Variants in PCNX2 observed in about 807,000 individuals in gnomAD.
PCNX2 encodes pecanex 2.
PCNX2 carries 168 observed loss-of-function variants against 223.8 expected under a neutral mutation model. The observed-to-expected ratio is 0.75, with a 90% CI of 0.66 to 0.85. The LOEUF (loss-of-function observed/expected upper bound fraction) is 0.85. Ranked by LOEUF, PCNX2 falls within the 40% of genes least tolerant of loss-of-function variation. PCNX2 has a pLI of 0.00. For synonymous variants in PCNX2, 1,006 were observed against 1,052.6 expected (o/e 0.96, Z 0.86); for missense variants, 2,507 against 2,675.5 (o/e 0.94, Z 1.39).
At chr1:233,311,709 C>T in the PCNX2 span, among the ~76,000 whole-genome samples, 1 of 152,064 alleles carries the variant, frequency 6.6e-6, no homozygotes, top group Non-Finnish European at 1.5e-5. Flanking sequence ...TAAAAATAAA[C>T]ATATTAGACA....
chr1:233,233,432 G>C (rs1206319291), intron 9 of PCNX2, among the ~76,000 whole-genome samples: 1 of 79,470 alleles, frequency 1.3e-5, no homozygotes, highest in Non-Finnish European at 2.9e-5. Flanking sequence ...TCCTGTGTGT[G>C]TGTGTGTGTG....
chr1:233,177,014 G>GAAAA (rs1231461373), intron 17 of PCNX2, among the ~76,000 whole-genome samples: 1 of 149,880 alleles, frequency 6.7e-6, no homozygotes, highest in African/African-American at 2.5e-5. Flanking sequence ...TGTCTCTAAA[G>GAAAA]AAAAAAAAAG....
At chr1:233,318,534 TC>T in the PCNX2 span, among the ~76,000 whole-genome samples, 1 of 147,666 alleles carries the variant, frequency 6.8e-6, no homozygotes, top group African/African-American at 2.5e-5. Context: ...ATTGCATCAC[TC>T]CCCCACCATC....
At chr1:233,231,717 C>T in intron 9 of PCNX2, 3 of 959,130 alleles carry the variant, frequency 3.1e-6, no homozygotes, top group Non-Finnish European at 3.7e-6. Flanking sequence ...CTCCTAACAG[C>T]TATCAAACTC....
intron 31 of PCNX2, 131 bp downstream of exon 31, chr1:232,998,974 G>A (rs546131634): frequency 9.9e-7 from 1 of 1,009,980 alleles, no homozygotes; most frequent in Non-Finnish European, 1.4e-6. Flanking sequence ...GATGCCACTT[G>A]GGGGTAGCAG....
intron 23 of PCNX2, among the ~76,000 whole-genome samples, chr1:233,068,093 A>C (rs1256432685): frequency 6.6e-6 from 1 of 152,188 alleles, no homozygotes; most frequent in Non-Finnish European, 1.5e-5. Context: ...CTTATCTAAA[A>C]AGGAAAAATT....
intron 25 of PCNX2, among the ~76,000 whole-genome samples, chr1:233,025,807 G>T (rs573157180): frequency 6.6e-6 from 1 of 152,154 alleles, no homozygotes; most frequent in African/African-American, 2.4e-5. Flanking sequence ...ACAGGCTATT[G>T]TAAGGATGAA....
chr1:233,012,363 C>T (rs919377510), intron 28 of PCNX2, among the ~76,000 whole-genome samples: 2 of 152,104 alleles, frequency 1.3e-5, no homozygotes, highest in African/African-American at 4.8e-5. Flanking sequence ...CCAGGCATAT[C>T]CAACTAGGTC....
intron 25 of PCNX2, among the ~76,000 whole-genome samples, chr1:233,045,175 C>A (rs1462739510): frequency 6.6e-6 from 1 of 152,194 alleles, no homozygotes; most frequent in Non-Finnish European, 1.5e-5. Context: ...CCTGGGTACT[C>A]AGCTAGATAG....
chr1:233,200,832 G>A (rs1450271549), intron 13 of PCNX2, among the ~76,000 whole-genome samples: 1 of 151,682 alleles, frequency 6.6e-6, no homozygotes, highest in African/African-American at 2.4e-5. Context: ...GACCAGCCTG[G>A]CCAACATGGC....
At position 233,090,084 on chromosome 1, in the gene PCNX2, C is replaced by T; in HGVS notation, c.4053G>A (p.Val1351=). 4 of 1,613,816 alleles carry T rather than the reference C, an allele frequency of 2.5e-6. No homozygotes were observed. The highest frequency in any genetic ancestry group is 3.4e-6 in the Non-Finnish European group (4 of 1,179,830). The part of the protein sequence containing the change: ...VIFITSYVRP[V]KFWEKNYNTR... ...ACTTGTAGTTTTTCTCCCAGAATTT[C>T]ACTGGCCTGACATATGATGTGATGA... Residue 1351 remains valine, a synonymous_variant, in exon 23 of 34, where the codon GTG becomes GTA. Coordinates refer to ENST00000258229, the MANE Select transcript of PCNX2 (RefSeq NM_014801.4).
Position 232,998,206 on chromosome 1 carries a change from C to T in PCNX2, c.5791+45G>A, listed in dbSNP as rs748041151. On this transcript the variant is annotated intron_variant, in intron 32 of 33. Transcript: ENST00000258229. Reference sequence around the variant, plus strand: ...AACTCAGGGCATTGGTCACTGGGACCAAATAGGACTTCATCGATAGTTTGG... The same window carrying T: ...AACTCAGGGCATTGGTCACTGGGACTAAATAGGACTTCATCGATAGTTTGG... 2.1e-6 allele frequency: 3 copies of T among 1,461,470 alleles called. No individual in the cohort carries two copies. The South Asian group carries it at 4.5e-5, about 22-fold the overall frequency. 90.5% of individuals were successfully genotyped at this position (1,461,470 alleles called of 1,614,324 possible).
intron 1 of PCNX2, among the ~76,000 whole-genome samples, chr1:233,277,579 C>T (rs997922258): frequency 6.6e-6 from 1 of 152,126 alleles, no homozygotes; most frequent in African/African-American, 2.4e-5. Flanking sequence ...TACAGAGGGG[C>T]ACACAACTGA....
intron 33 of PCNX2, 109 bp downstream of exon 33, chr1:232,985,983 T>G: frequency 8.3e-7 from 1 of 1,205,916 alleles, no homozygotes; most frequent in Non-Finnish European, 1.2e-6. Flanking sequence ...GAGAAGGGGA[T>G]GGGGTTCTGC....
At chr1:233,166,977 A>C (rs1420273963) in intron 17 of PCNX2, among the ~76,000 whole-genome samples, 2 of 152,068 alleles carry the variant, frequency 1.3e-5, no homozygotes, top group Non-Finnish European at 2.9e-5. Flanking sequence ...ACCCATCTCT[A>C]TATTTAAAAA....
At chr1:233,240,549 A>G (rs2102969773) in intron 8 of PCNX2, among the ~76,000 whole-genome samples, 1 of 152,362 alleles carries the variant, frequency 6.6e-6, no homozygotes, top group South Asian at 2.1e-4. Flanking sequence ...CACGATACTT[A>G]GCACATCTGG....
In PCNX2 at chr1:233,258,767, T is replaced by C. The variant is rs369108992; in HGVS notation, c.1095A>G (p.Gly365=). The change falls in exon 5 of 34, where the codon GGA becomes GGG. Residue 365 remains glycine, a synonymous_variant. Coordinates refer to ENST00000258229, the MANE Select transcript of PCNX2 (RefSeq NM_014801.4). The part of the protein sequence containing the change: ...AVTLIDTSQP[G]DPLSLHEPIK... ...TGGGCTCATGTAGACTCAGTGGGTC[T>C]CCGGGTTGAGAAGTATCGATGAGAG... 4 of 1,613,752 alleles carry C rather than the reference T, an allele frequency of 2.5e-6. No homozygotes were observed. The highest frequency in any genetic ancestry group is 1.3e-5 in the African/African-American group (1 of 74,884).
intron 33 of PCNX2, 173 bp from the exon 34 acceptor site, chr1:232,984,650 G>T: frequency 1.6e-6 from 1 of 629,116 alleles, no homozygotes; most frequent in Non-Finnish European, 2.6e-6. Flanking sequence ...TGGCCTCTGA[G>T]GACAGGACGG....
At chr1:233,182,301 A>G (rs1244785985) in intron 15 of PCNX2, among the ~76,000 whole-genome samples, 2 of 152,132 alleles carry the variant, frequency 1.3e-5, no homozygotes, top group Non-Finnish European at 2.9e-5. Flanking sequence ...CTTGTGTGCC[A>G]TCAATACACA....
Sources: gnomAD v4.1 joint callset for allele counts (sites outside exome capture counted in the v4.1 genomes callset) on GRCh38, gnomAD v4.1.1 for gene constraint, MANE v1.5 for transcripts, NCBI Gene and HGNC (gene_info 2026-07-23, HGNC 2026-07-21) for gene names.